FHIP2B: variants seen among roughly 807,000 people sequenced by gnomAD.
FHIP2B encodes the protein FHF complex subunit HOOK-interacting protein 2B.
A neutral mutation model predicts 84.0 loss-of-function variants in FHIP2B; 72 were observed. That is an observed-to-expected ratio of 0.86 (90% confidence interval 0.71 to 1.04). The LOEUF (loss-of-function observed/expected upper bound fraction) is 1.04, where lower values mean the gene tolerates loss of function less well. Ranked by LOEUF, FHIP2B falls within the 50% of genes least tolerant of loss-of-function variation. FHIP2B has a pLI of 0.00. For synonymous variants in FHIP2B, 497 were observed against 418.7 expected, an observed-to-expected ratio of 1.19 and a Z score of -2.28; for missense variants, 972 against 968.9, an observed-to-expected ratio of 1.00 and a Z score of -0.04.
intron 15 of FHIP2B, 76 bp downstream of exon 15, chr8:22,102,391 GT>G: frequency 1.5e-6 from 2 of 1,304,138 alleles, no homozygotes; most frequent in Non-Finnish European, 1.1e-6. Flanking sequence ...GGGGCAGGTG[GT>G]TGGGGGCTGG....
chr8:22,094,180 G>A (rs760129124), intron 1 of FHIP2B, among the ~76,000 whole-genome samples: 2 of 152,178 alleles, frequency 1.3e-5, no homozygotes, highest in Non-Finnish European at 2.9e-5. Flanking sequence ...GACAGGACAG[G>A]ATTGTGACAT....
rs1438905150 is a variant in FHIP2B, at chr8:22,097,557, C to G, written c.339C>G (p.Ser113Arg). The G allele has an allele frequency of 1.2e-6, 2 of 1,610,300 alleles. No individual in the cohort carries two copies. Among genetic ancestry groups the G allele is most frequent in the East Asian group, 2.2e-5 (1 of 44,738 alleles). Residue 113 changes from serine to arginine, a missense_variant, in exon 4 of 17, where the codon AGC (serine) becomes AGG (arginine). By Grantham distance (110) the Ser-to-Arg change is moderately radical. Coordinates refer to ENST00000289921, the MANE Select transcript of FHIP2B (RefSeq NM_022749.7). ...GMRQQVFQFF[S>R]KVLAQVQHPL... ...GGCAGCAGGTGTTCCAGTTCTTCAG[C>G]AAGGTTCTGGCGCAGGTGCAGCACC...
Position 22,099,070 on chromosome 8 carries a change from G to T in FHIP2B, c.1074+14G>T. On this transcript the variant is annotated intron_variant, in intron 8 of 16. Coordinates refer to ENST00000289921, the MANE Select transcript of FHIP2B (RefSeq NM_022749.7). ...GAGGCACACACGGTGAGCAGGGGCG[G>T]GCGGAGGCCGGGCTCTCATGCTGTT... 6.4e-7 allele frequency: 1 copy of T among 1,568,926 alleles called. No individual in the cohort carries two copies. Among genetic ancestry groups the T allele is most frequent in the East Asian group, 2.3e-5 (1 of 43,104 alleles).
chr8:22,096,208 A>T (rs1196666464), intron 2 of FHIP2B, 129 bp from the exon 3 acceptor site: 5 of 857,854 alleles, frequency 5.8e-6, no homozygotes, highest in Admixed American at 6.6e-5. Context: ...CCCAGTTGCC[A>T]GCAGCTGTCT....
rs59841460 is a variant in FHIP2B, at chr8:22,093,708, CTTTTTTTTT to C, written c.46-714_46-706del. ...ATTGAGAGGAATGGAAAAGCTTTGT[CTTTTTTTTT>C]TTTTTTTTTTTTTTTTTGAGATAGG... On this transcript the variant is annotated intron_variant, in intron 1 of 16. Coordinates refer to ENST00000289921, the MANE Select transcript of FHIP2B (RefSeq NM_022749.7). Among the ~76,000 whole-genome samples the C allele has an allele frequency of 2.9e-3, 195 of 66,458 alleles. 1 individual carries two copies. Among genetic ancestry groups the C allele is most frequent in the Admixed American group, 7.8e-3 (32 of 4,090 alleles). 43.6% of individuals were successfully genotyped at this position (66,458 alleles called of 152,430 possible).
At chr8:22,100,529 T>C (rs887926276) in intron 10 of FHIP2B, 65 bp from the exon 11 acceptor site, 1 of 1,468,502 alleles carries the variant, frequency 6.8e-7, no homozygotes, top group African/African-American at 1.4e-5. Context: ...GGGTTAGCCA[T>C]GCCAAGGCAC....
rs142809271 is a variant in FHIP2B at position 22,097,866 on chromosome 8, G to A, written c.525+27G>A. The A allele has an allele frequency of 5.2e-5, 83 of 1,608,440 alleles. No homozygotes were observed. In the Middle Eastern group the frequency reaches 8.5e-4, roughly 17 times the overall value. ...TGAGCACTCTGATCGGGAACAGGAG[G>A]GGGAGGGCCCAGAACCCCAGGGCAA... On this transcript the variant is annotated intron_variant, in intron 5 of 16. Transcript: ENST00000289921.
chr8:22,104,475 C>A lies in FHIP2B; in HGVS notation c.*1544C>A, dbSNP rs1373034321. On this transcript the variant is annotated 3_prime_UTR_variant, in exon 17 of 17. Transcript: ENST00000289921. The stretch of plus-strand genomic sequence containing the variant: ...TCTTCCTCCCCAAGGAAGACAAATT[C>A]TTTTTCTAGCGCTGCAGCAGGGAGG... The A allele has an allele frequency of 2.0e-5, 3 of 152,360 alleles. No homozygotes were observed. The highest frequency in any genetic ancestry group is 1.9e-4 in the East Asian group (1 of 5,196). 9.4% of individuals were successfully genotyped at this position (152,360 alleles called of 1,614,324 possible).
intron 1 of FHIP2B, among the ~76,000 whole-genome samples, chr8:22,093,357 G>A (rs1298794996): frequency 6.6e-6 from 1 of 152,158 alleles, no homozygotes; most frequent in Non-Finnish European, 1.5e-5. Flanking sequence ...GAAGTTTTCA[G>A]GGAAAGTGAT....
chr8:22,097,781 C>T lies in FHIP2B; in HGVS notation c.467C>T (p.Thr156Ile), dbSNP rs1297624913. The T allele has an allele frequency of 1.2e-6, 2 of 1,613,546 alleles. No individual in the cohort carries two copies. The highest frequency in any genetic ancestry group is 1.7e-6 in the Non-Finnish European group (2 of 1,179,830). The change falls in exon 5 of 17, where the codon ACC becomes ATC. Residue 156 changes from threonine to isoleucine, a missense_variant. By Grantham distance (89) the Thr-to-Ile change is moderately conservative (BLOSUM62 -1). Coordinates refer to ENST00000289921, the MANE Select transcript of FHIP2B (RefSeq NM_022749.7). Reference protein sequence around the residue: ...SVTEKEEVQFTTVLCSKIQQD... With the variant: ...SVTEKEEVQFITVLCSKIQQD... The stretch of plus-strand genomic sequence containing the variant: ...ACAGAAAAGGAGGAGGTGCAGTTCA[C>T]CACCGTCCTCTGCTCCAAGATCCAG...
rs1462945061 is a variant in FHIP2B at position 22,103,813 on chromosome 8, CT to C, written c.*883del. The C allele has an allele frequency of 2.6e-5, 4 of 152,478 alleles. No homozygotes were observed. Among genetic ancestry groups the C allele is most frequent in the African/African-American group, 9.6e-5 (4 of 41,466 alleles). The allele number at this position is 152,478 out of a possible 1,614,324, so 9.4% of individuals were successfully genotyped here. On this transcript the variant is annotated 3_prime_UTR_variant, in exon 17 of 17. Transcript: ENST00000289921. Reference sequence around the variant, plus strand: ...GGGACAGATAAGGGAAGGACGCCCCCTGACTCCAGGCCCCTGAGCCTGGCGG... The same window carrying C: ...GGGACAGATAAGGGAAGGACGCCCCCGACTCCAGGCCCCTGAGCCTGGCGG...
rs1318984577 is a variant in FHIP2B at position 22,089,257 on chromosome 8, C to T, written c.4C>T (p.Leu2=). 1.9e-6 allele frequency: 2 copies of T among 1,058,008 alleles called. No individual in the cohort carries two copies. The highest frequency in any genetic ancestry group is 2.3e-6 in the Non-Finnish European group (2 of 878,368). 65.5% of individuals were successfully genotyped at this position (1,058,008 alleles called of 1,614,324 possible). A position where few individuals can be genotyped will look rare whatever the true frequency, so the allele number is the denominator to read the frequency against. Reference sequence around the variant, plus strand: ...GAGCCGGGGGCCGGGCGCCATCATGCTGAGCCGGCTCGGGGCGCTGCTGCA... The same window carrying T: ...GAGCCGGGGGCCGGGCGCCATCATGTTGAGCCGGCTCGGGGCGCTGCTGCA... The part of the protein sequence containing the change: M[L]SRLGALLQEA... The change falls in exon 1 of 17, where the codon CTG becomes TTG. Residue 2 remains leucine, a synonymous_variant. Coordinates refer to ENST00000289921, the MANE Select transcript of FHIP2B (RefSeq NM_022749.7).
At position 22,092,250 on chromosome 8, in the gene FHIP2B, C is replaced by T. The variant is rs142301975; in HGVS notation, c.46-2190C>T. ...CCTGCCTTTACCTCCTCTCCCAAGG[C>T]CAACTGCCAGATGAGTCTTCCGAAA... On this transcript the variant is annotated intron_variant, in intron 1 of 16. Transcript: ENST00000289921. 8.0e-4 allele frequency among the ~76,000 whole-genome samples: 122 copies of T among 152,320 alleles called. 3 individuals carry two copies. In the East Asian group the frequency reaches 0.02, roughly 25 times the overall value.
chr8:22,094,387 G>A (rs1563590107), intron 1 of FHIP2B, 53 bp from the exon 2 acceptor site: 2 of 1,530,652 alleles, frequency 1.3e-6, no homozygotes, highest in Non-Finnish European at 8.8e-7. Context: ...ATGCGGGCAG[G>A]GGCTCCCTGG....
chr8:22,101,733 C>T lies in FHIP2B; in HGVS notation c.1733C>T (p.Ala578Val), dbSNP rs1329624130. 1 of 1,612,856 alleles carries T rather than the reference C, an allele frequency of 6.2e-7. No homozygotes were observed. Among genetic ancestry groups the T allele is most frequent in the Admixed American group, 1.7e-5 (1 of 59,928 alleles). The change falls in exon 14 of 17, where the codon GCC becomes GTC. Residue 578 changes from alanine to valine, a missense_variant. Transcript: ENST00000289921. Reference sequence around the variant, plus strand: ...TTCCAGGAGTGCAGCTCCCGCGTCGCCTCCTGGGGCTGGCCTCTGACCCCC... The same window carrying T: ...TTCCAGGAGTGCAGCTCCCGCGTCGTCTCCTGGGGCTGGCCTCTGACCCCC... ...GLFQECSSRV[A>V]SWGWPLTPTP...
chr8:22,090,607 G>C (rs1429185837), intron 1 of FHIP2B, among the ~76,000 whole-genome samples: 6 of 152,134 alleles, frequency 3.9e-5, no homozygotes, highest in Admixed American at 3.9e-4. Context: ...CCTCAGTCCT[G>C]AGGAGTGAAT....
chr8:22,091,536 C>T (rs1825492685), intron 1 of FHIP2B, among the ~76,000 whole-genome samples: 1 of 152,176 alleles, frequency 6.6e-6, no homozygotes, highest in Non-Finnish European at 1.5e-5. Context: ...GAGCCACCAC[C>T]ATGTCTGGCC....
intron 8 of FHIP2B, 27 bp downstream of exon 8, chr8:22,099,083 C>G (rs1825956149): frequency 3.2e-6 from 5 of 1,545,958 alleles, no homozygotes; most frequent in African/African-American, 1.4e-5. Context: ...GGAGGCCGGG[C>G]TCTCATGCTG....
chr8:22,099,978 T>C, intron 10 of FHIP2B, 85 bp downstream of exon 10: 1 of 1,390,472 alleles, frequency 7.2e-7, no homozygotes, highest in African/African-American at 1.5e-5. Flanking sequence ...TCATTAGTGT[T>C]CCCAGTTGAC....
Sources: allele counts gnomAD v4.1 joint callset (sites outside exome capture counted in the v4.1 genomes callset), GRCh38; gene constraint gnomAD v4.1.1; transcripts MANE v1.5; gene names NCBI Gene and HGNC (gene_info 2026-07-23, HGNC 2026-07-21).